ANXA4: variants seen among roughly 807,000 people sequenced by gnomAD.
The protein encoded by ANXA4 is 35-beta calcimedin.
In ANXA4, 39 loss-of-function variants were observed where a neutral mutation model predicts 49.8. That is an observed-to-expected ratio of 0.78 (90% CI 0.61 to 1.02). The LOEUF is 1.02. Among genes scored for constraint, ANXA4 ranks in the 50% least tolerant of loss-of-function variants. The pLI is 0.00. For missense variants in ANXA4, 360 were observed against 410.1 expected, an observed-to-expected ratio of 0.88 and a Z score of 1.05; for synonymous variants, 134 against 152.5, an observed-to-expected ratio of 0.88 and a Z score of 0.89.
chr2:69,789,368 C>G (rs574973490), intron 3 of ANXA4, among the ~76,000 whole-genome samples: 1 of 152,212 alleles, frequency 6.6e-6, no homozygotes, highest in South Asian at 2.1e-4. Context: ...CACATTCTTG[C>G]CTTGAGTCCG....
intron 2 of ANXA4, among the ~76,000 whole-genome samples, chr2:69,714,746 G>T (rs926553243): frequency 1.3e-5 from 2 of 152,220 alleles, no homozygotes; most frequent in East Asian, 1.9e-4. Context: ...AGGTCCGGAG[G>T]TGCCTGAGTC....
intron 1 of ANXA4, among the ~76,000 whole-genome samples, chr2:69,757,778 G>A (rs1042935295): frequency 2.6e-5 from 4 of 151,526 alleles, no homozygotes; most frequent in Non-Finnish European, 5.9e-5. Context: ...GCAACATGGT[G>A]AAATCGGTCT....
chr2:69,783,372 C>A (rs990203507), intron 2 of ANXA4, among the ~76,000 whole-genome samples: 4 of 152,118 alleles, frequency 2.6e-5, no homozygotes, highest in Admixed American at 2.6e-4. Flanking sequence ...CTCGCCACCA[C>A]GCCTGACTAA....
intron 2 of ANXA4, 73 bp downstream of exon 2, chr2:69,781,647 T>C: frequency 1.3e-6 from 2 of 1,556,458 alleles, no homozygotes; most frequent in Non-Finnish European, 1.8e-6. Flanking sequence ...TCAGCAACTG[T>C]TAGCTTAAAC....
At chr2:69,732,801 C>T (rs934026803) in intron 3 of ANXA4, among the ~76,000 whole-genome samples, 4 of 152,070 alleles carry the variant, frequency 2.6e-5, no homozygotes, top group Admixed American at 6.6e-5. Context: ...CAAAAGCGGA[C>T]CTTAGTCAAG....
At chr2:69,792,724 T>G (rs777762432) in intron 3 of ANXA4, among the ~76,000 whole-genome samples, 13 of 152,248 alleles carry the variant, frequency 8.5e-5, no homozygotes, top group Non-Finnish European at 1.6e-4. Flanking sequence ...TTTTACTGTT[T>G]TTACACACTT....
intron 2 of ANXA4, among the ~76,000 whole-genome samples, chr2:69,713,284 T>G (rs1678735161): frequency 6.6e-6 from 1 of 151,728 alleles, no homozygotes; most frequent in Non-Finnish European, 1.5e-5. Flanking sequence ...TTCAGGGGAG[T>G]GCTATTGGTG....
intron 12 of ANXA4, 86 bp downstream of exon 12, chr2:69,820,907 T>C (rs1674221999): frequency 1.4e-6 from 2 of 1,399,884 alleles, no homozygotes; most frequent in Middle Eastern, 1.9e-4. Flanking sequence ...TGTCCCCCTC[T>C]TCTTGGCATA....
In ANXA4 at chr2:69,706,292, C is replaced by CTTT. The variant is rs916740716; in HGVS notation, n.767-14455_767-14453dup. On this transcript the variant is annotated intron_variant and non_coding_transcript_variant, in intron 2 of 3. Coordinates refer to the ANXA4 transcript ENST00000418066. Reference sequence around the variant, plus strand: ...ATATAGTAGCACATTGGTACAATTCCTTTTTTTTTTTTTTTTTTTTTTTTT... The same window carrying CTTT: ...ATATAGTAGCACATTGGTACAATTCCTTTTTTTTTTTTTTTTTTTTTTTTTTTT... Among the ~76,000 whole-genome samples the CTTT allele has an allele frequency of 4.7e-4, 28 of 59,314 alleles. 3 individuals carry two copies. Among genetic ancestry groups the CTTT allele is most frequent in the Admixed American group, 8.6e-4 (4 of 4,628 alleles). 38.9% of individuals were successfully genotyped at this position (59,314 alleles called of 152,430 possible).
At chr2:69,721,374 T>G (rs1294658374) in intron 3 of ANXA4, among the ~76,000 whole-genome samples, 2 of 152,200 alleles carry the variant, frequency 1.3e-5, no homozygotes, top group Non-Finnish European at 2.9e-5. Context: ...ATTGGAAGGT[T>G]TCACGTAGAG....
intron 2 of ANXA4, among the ~76,000 whole-genome samples, chr2:69,692,404 G>T (rs1054286992): frequency 3.9e-5 from 6 of 152,166 alleles, no homozygotes; most frequent in African/African-American, 1.4e-4. Context: ...CTGTGCACTT[G>T]GTTTGGAATT....
intron 2 of ANXA4, among the ~76,000 whole-genome samples, chr2:69,673,627 C>T (rs1205956817): frequency 6.6e-6 from 1 of 151,546 alleles, no homozygotes. Flanking sequence ...GCACGTTCTG[C>T]ACATGTACCC....
At chr2:69,733,123 GTAGA>G (rs1670148304) in intron 3 of ANXA4, among the ~76,000 whole-genome samples, 1 of 152,156 alleles carries the variant, frequency 6.6e-6, no homozygotes, top group Non-Finnish European at 1.5e-5. Flanking sequence ...GCTTGTTCTT[GTAGA>G]TAGAGTAAAT....
chr2:69,735,977 A>T (rs767586716), intron 3 of ANXA4, among the ~76,000 whole-genome samples: 4 of 152,118 alleles, frequency 2.6e-5, no homozygotes, highest in Admixed American at 1.3e-4. Context: ...CTTTATTTTC[A>T]TGGGTTCTAT....
intron 2 of ANXA4, among the ~76,000 whole-genome samples, chr2:69,686,093 T>G (rs1457126148): frequency 1.3e-5 from 2 of 152,262 alleles, no homozygotes; most frequent in African/African-American, 4.8e-5. Context: ...TTATTACCTT[T>G]GTTTTTAATA....
intron 2 of ANXA4, among the ~76,000 whole-genome samples, chr2:69,659,360 A>C (rs954477030): frequency 4.6e-5 from 7 of 152,212 alleles, no homozygotes; most frequent in African/African-American, 1.7e-4. Flanking sequence ...CAATGCACTA[A>C]AATGTGTCAC....
chr2:69,646,661 A>C (rs943509236), intron 1 of ANXA4, among the ~76,000 whole-genome samples: 2 of 152,158 alleles, frequency 1.3e-5, no homozygotes, highest in Non-Finnish European at 2.9e-5. Context: ...ACAAGACCTA[A>C]GGCTGTGTCA....
chr2:69,725,167 T>C (rs1330686399), intron 3 of ANXA4, among the ~76,000 whole-genome samples: 2 of 152,144 alleles, frequency 1.3e-5, no homozygotes, highest in African/African-American at 2.4e-5. Context: ...GATAACATAA[T>C]GGATGTCAGT....
At chr2:69,761,394 C>A (rs1445725369) in intron 1 of ANXA4, among the ~76,000 whole-genome samples, 2 of 152,148 alleles carry the variant, frequency 1.3e-5, no homozygotes, top group African/African-American at 4.8e-5. Flanking sequence ...ATAACTAAAT[C>A]AAGTACCTAA....
Sources: gnomAD v4.1 joint callset for allele counts (sites outside exome capture counted in the v4.1 genomes callset) on GRCh38, gnomAD v4.1.1 for gene constraint, MANE v1.5 for transcripts, NCBI Gene and HGNC (gene_info 2026-07-23, HGNC 2026-07-21) for gene names.